PGBD1: variants seen among roughly 807,000 people sequenced by gnomAD.
PGBD1 encodes piggyBac transposable element-derived protein 1.
In PGBD1, 25 loss-of-function variants were observed where a neutral mutation model predicts 34.7. That is an observed-to-expected ratio of 0.72 (90% CI 0.52 to 1.00). PGBD1 has a LOEUF of 1.00. Among genes scored for constraint, PGBD1 ranks in the 50% least tolerant of loss-of-function variants. The pLI is 0.00. For synonymous variants in PGBD1, 292 were observed against 335.7 expected, an observed-to-expected ratio of 0.87 and a Z score of 1.42; for missense variants, 830 against 959.4, an observed-to-expected ratio of 0.87 and a Z score of 1.78.
Position 28,287,073 on chromosome 6 carries a change from T to C in PGBD1, c.554-7T>C. ...TCATTTAGGACTCTTGCCCTCTCTC[T>C]CTGCAGGGCCTGTTCCCCACGGATC... On this transcript the variant is annotated splice_region_variant and splice_polypyrimidine_tract_variant and intron_variant, in intron 3 of 6. Coordinates refer to ENST00000682144, the MANE Select transcript of PGBD1 (RefSeq NM_032507.4). 6.2e-7 allele frequency: 1 copy of C among 1,611,612 alleles called. No individual in the cohort carries two copies.
chr6:28,297,845 T>TAAAAATAAAAAAA, intron 5 of PGBD1, 50 bp from the exon 6 acceptor site: 1 of 283,634 alleles, frequency 3.5e-6, no homozygotes, highest in Non-Finnish European at 6.6e-6. Flanking sequence ...TTTTTTTTTT[T>TAAAAATAAAAAAA]CAAAATTCAC....
Position 28,284,209 on chromosome 6 carries a change from G to C in PGBD1, c.396G>C (p.Gln132His). ...CAGGAAGTGGAGACACAGGACAACA[G>C]GTGGGAAGAGAATGTGTGTGGTGAT... The part of the protein sequence containing the change: ...LETGSGDTGQ[Q>H]ASVYIQGQDM... The change falls in exon 2 of 7, where the codon CAG (glutamine) becomes CAC (histidine). Residue 132 changes from glutamine to histidine, a missense_variant and splice_region_variant. This residue lies in a region of PGBD1 where 457 missense variants were observed against 515.4 expected (regional missense o/e 0.89). Transcript: ENST00000682144. 6.5e-7 allele frequency: 1 copy of C among 1,532,732 alleles called. No homozygotes were observed. The highest frequency in any genetic ancestry group is 1.3e-5 in the South Asian group (1 of 78,012). 94.9% of individuals were successfully genotyped at this position (1,532,732 alleles called of 1,614,324 possible).
chr6:28,298,699 C>T (rs1762732307), intron 6 of PGBD1, among the ~76,000 whole-genome samples: 1 of 152,012 alleles, frequency 6.6e-6, no homozygotes, highest in Non-Finnish European at 1.5e-5. Context: ...GTGGTGTGTG[C>T]TTCATAAGTG....
chr6:28,295,193 G>A (rs921420837), intron 4 of PGBD1, among the ~76,000 whole-genome samples: 1 of 152,230 alleles, frequency 6.6e-6, no homozygotes, highest in Non-Finnish European at 1.5e-5. Flanking sequence ...CTGAAGATGT[G>A]ACTGAATTGC....
chr6:28,298,171 G>A (rs925360120), intron 6 of PGBD1, among the ~76,000 whole-genome samples, 180 bp downstream of exon 6: 6 of 152,108 alleles, frequency 3.9e-5, no homozygotes, highest in Non-Finnish European at 2.9e-5. Context: ...TTTTCAATAT[G>A]CAATAAATAT....
At chr6:28,284,825 G>A (rs1762239801) in intron 2 of PGBD1, among the ~76,000 whole-genome samples, 2 of 152,134 alleles carry the variant, frequency 1.3e-5, no homozygotes, top group African/African-American at 2.4e-5. Context: ...CTGGCTATTC[G>A]GTGTGTATTT....
chr6:28,300,585 C>A lies in PGBD1; in HGVS notation c.870-139C>A. On this transcript the variant is annotated intron_variant, in intron 6 of 6. Coordinates refer to ENST00000682144, the MANE Select transcript of PGBD1 (RefSeq NM_032507.4). This position sits in a 1 kb window ranked among gnomAD's most constrained non-coding sequence, Gnocchi z 4.0. ...TGTTTAATCTAGCCAAAGTCCTCCC[C>A]ATGGAAACTTAAGAGAAATAAGTAA... 2.0e-6 allele frequency: 2 copies of A among 976,062 alleles called. No individual in the cohort carries two copies. The highest frequency in any genetic ancestry group is 2.9e-6 in the Non-Finnish European group (2 of 682,146). 60.5% of individuals were successfully genotyped at this position (976,062 alleles called of 1,614,324 possible).
chr6:28,284,368 C>T (rs1762221048), intron 2 of PGBD1, among the ~76,000 whole-genome samples, 159 bp downstream of exon 2: 1 of 152,088 alleles, frequency 6.6e-6, no homozygotes, highest in East Asian at 1.9e-4. Flanking sequence ...CAGTTGTTAA[C>T]ATTTGTTTGA....
chr6:28,285,535 A>G lies in PGBD1; in HGVS notation c.397-16A>G, dbSNP rs545779232. The G allele has an allele frequency of 4.3e-6, 7 of 1,612,214 alleles. No individual in the cohort carries two copies. Among genetic ancestry groups the G allele is most frequent in the Non-Finnish European group, 5.9e-6 (7 of 1,179,060 alleles). On this transcript the variant is annotated splice_polypyrimidine_tract_variant and intron_variant, in intron 2 of 6. Coordinates refer to ENST00000682144, the MANE Select transcript of PGBD1 (RefSeq NM_032507.4). ...CATATATGCATGCCCTTTCAAAATA[A>G]ATCTTTTGTTTCCAGGCCTCTGTCT...
chr6:28,300,619 C>A lies in PGBD1; in HGVS notation c.870-105C>A. 1 of 1,326,264 alleles carries A rather than the reference C, an allele frequency of 7.5e-7. No individual in the cohort carries two copies. Among genetic ancestry groups the A allele is most frequent in the East Asian group, 2.4e-5 (1 of 42,352 alleles). 82.2% of individuals were successfully genotyped at this position (1,326,264 alleles called of 1,614,324 possible). On this transcript the variant is annotated intron_variant, in intron 6 of 6. Transcript: ENST00000682144. The surrounding 1 kb of genome is among the most constrained non-coding windows in gnomAD (Gnocchi z 4.0). ...TTAAGAGAAATAAGTAAGTATCCCC[C>A]CACACCCACCCCAAGCCCCAAAAGA... is the stretch of plus-strand genomic sequence containing the variant.
At chr6:28,293,550 A>G (rs532364584) in intron 4 of PGBD1, among the ~76,000 whole-genome samples, 47 of 152,346 alleles carry the variant, frequency 3.1e-4, no homozygotes, top group Non-Finnish European at 5.9e-4. Context: ...TTTCTACAGC[A>G]TGTGCTCACT....
rs1187575608 is a variant in PGBD1 at position 28,287,268 on chromosome 6, A to G, written c.642+100A>G. 3 of 1,000,806 alleles carry G rather than the reference A, an allele frequency of 3.0e-6. No individual in the cohort carries two copies. In the African/African-American group the frequency reaches 4.8e-5, roughly 16 times the overall value. The allele number at this position is 1,000,806 out of a possible 1,614,324, so 62.0% of individuals were successfully genotyped here. On this transcript the variant is annotated intron_variant, in intron 4 of 6. Transcript: ENST00000682144. ...CTTGGCTCACACTCATCATCGTGAG[A>G]GCCATTCAGGTGGCATAGTCCCTCT...
rs780973858 is a variant in PGBD1, at chr6:28,300,828, G to T, written c.974G>T (p.Arg325Leu). The T allele has an allele frequency of 3.1e-6, 5 of 1,614,052 alleles. No individual in the cohort carries two copies. In the South Asian group the frequency reaches 5.5e-5, roughly 18 times the overall value. ...KDRHPGDLWA[R>L]MHISSLEYAA... is the part of the protein sequence containing the mutation. ...CGTCACCCAGGTGATTTGTGGGCCC[G>T]CATGCACATCTCATCCCTGGAATAT... The change falls in exon 7 of 7, where the codon CGC (arginine) becomes CTC (leucine). Residue 325 changes from arginine to leucine, a missense_variant. Transcript: ENST00000682144. The surrounding 1 kb of genome is among the most constrained non-coding windows in gnomAD (Gnocchi z 4.0).
intron 4 of PGBD1, among the ~76,000 whole-genome samples, chr6:28,290,809 C>T (rs1161195063): frequency 2.0e-5 from 3 of 152,030 alleles, no homozygotes; most frequent in African/African-American, 7.2e-5. Flanking sequence ...TTGGAAACTA[C>T]ACAAACGCGT....
chr6:28,289,650 A>G (rs1762388543), intron 4 of PGBD1, among the ~76,000 whole-genome samples: 1 of 152,178 alleles, frequency 6.6e-6, no homozygotes, highest in Non-Finnish European at 1.5e-5. Flanking sequence ...CTGTAAACCC[A>G]GTTCTTTGGG....
Position 28,302,100 on chromosome 6 carries a change from A to C in PGBD1, c.2246A>C (p.Tyr749Ser). 6.2e-7 allele frequency: 1 copy of C among 1,614,180 alleles called. No individual in the cohort carries two copies. The highest frequency in any genetic ancestry group is 8.5e-7 in the Non-Finnish European group (1 of 1,180,016). ...VAKMDQIISKYRVRIRSKKWY... is the reference protein window; with the variant it reads ...VAKMDQIISKSRVRIRSKKWY... ...AAAATGGATCAAATTATTTCGAAATACAGGGTGAGGATAAGAAGCAAGAAA... is the reference window on the plus strand; with the variant it reads ...AAAATGGATCAAATTATTTCGAAATCCAGGGTGAGGATAAGAAGCAAGAAA... Residue 749 changes from tyrosine (Y) to serine (S), a missense_variant, in exon 7 of 7, where the codon TAC becomes TCC. Coordinates refer to ENST00000682144, the MANE Select transcript of PGBD1 (RefSeq NM_032507.4).
At chr6:28,284,603 G>A (rs533249546) in intron 2 of PGBD1, among the ~76,000 whole-genome samples, 85 of 152,274 alleles carry the variant, frequency 5.6e-4, no homozygotes, top group African/African-American at 2.0e-3. Flanking sequence ...AACTGCAATG[G>A]TGGAAGGCTC....
At position 28,281,690 on chromosome 6, in the gene PGBD1, G is replaced by T; in HGVS notation, c.-267G>T. 1 of 337,420 alleles carries T rather than the reference G, an allele frequency of 3.0e-6. No homozygotes were observed. Among genetic ancestry groups the T allele is most frequent in the Non-Finnish European group, 5.3e-6 (1 of 188,156 alleles). The allele number at this position is 337,420 out of a possible 1,614,324, so 20.9% of individuals were successfully genotyped here. On this transcript the variant is annotated 5_prime_UTR_variant, in exon 1 of 7. Coordinates refer to ENST00000682144, the MANE Select transcript of PGBD1 (RefSeq NM_032507.4). Reference sequence around the variant, plus strand: ...GAGCACCGGGCCTCTGAGCTCCCTCGGGAGCCTTTCACGAGGTCAGCTACG... The same window carrying T: ...GAGCACCGGGCCTCTGAGCTCCCTCTGGAGCCTTTCACGAGGTCAGCTACG...
chr6:28,289,178 A>C (rs1461560098), intron 4 of PGBD1, among the ~76,000 whole-genome samples: 3 of 152,122 alleles, frequency 2.0e-5, no homozygotes, highest in Non-Finnish European at 2.9e-5. Context: ...TCCAGGAAAA[A>C]GAGAGGATCT....
Sources: allele counts gnomAD v4.1 joint callset (sites outside exome capture counted in the v4.1 genomes callset), GRCh38; gene constraint gnomAD v4.1.1; regional missense constraint gnomAD v4.1.1; non-coding constraint Gnocchi (gnomAD v3.1); transcripts MANE v1.5; gene names NCBI Gene and HGNC (gene_info 2026-07-23, HGNC 2026-07-21).